The following PROP1 variants were observed in gnomAD, a reference collection of about 807,000 sequenced individuals.
PROP1 encodes PROP paired-like homeobox 1.
A neutral mutation model predicts 22.3 loss-of-function variants in PROP1; 12 were observed. The ratio of observed to expected loss-of-function variants is 0.54; its 90% CI spans 0.34 to 0.87. The LOEUF (loss-of-function observed/expected upper bound fraction) is 0.87, where lower values mean the gene tolerates loss of function less well. PROP1 is among the 40% of genes least tolerant of loss of function. The pLI is 0.01. For synonymous variants in PROP1, 112 were observed against 116.7 expected, an observed-to-expected ratio of 0.96 and a Z score of 0.26; for missense variants, 278 against 295.1, an observed-to-expected ratio of 0.94 and a Z score of 0.43.
intron 1 of PROP1, among the ~76,000 whole-genome samples, chr5:177,995,413 CA>C (rs1358741825): frequency 6.6e-6 from 1 of 152,060 alleles, no homozygotes; most frequent in Non-Finnish European, 1.5e-5. Context: ...CCATGGGGCC[CA>C]AGGGCGTGGA....
chr5:177,994,469 G>A, intron 1 of PROP1, 131 bp from the exon 2 acceptor site: 4 of 768,010 alleles, frequency 5.2e-6, no homozygotes, highest in Admixed American at 2.9e-5. Context: ...ACAGAGTCTT[G>A]CTCTGTCTCC....
intron 2 of PROP1, 82 bp from the exon 3 acceptor site, chr5:177,993,129 A>G: frequency 8.1e-7 from 1 of 1,237,402 alleles, no homozygotes; most frequent in East Asian, 2.5e-5. Flanking sequence ...AGGTGCAGGG[A>G]CAGGGAGCAG....
chr5:177,993,685 C>T (rs547836829), intron 2 of PROP1, among the ~76,000 whole-genome samples: 2 of 152,152 alleles, frequency 1.3e-5, no homozygotes, highest in South Asian at 2.1e-4. Context: ...CCTCAGCCTC[C>T]GGAGTAGCTG....
At position 177,992,538 on chromosome 5, in the gene PROP1, A is replaced by T. The variant is rs2113058209; in HGVS notation, c.*171T>A. 1 of 606,970 alleles carries T rather than the reference A, an allele frequency of 1.6e-6. No homozygotes were observed. The highest frequency in any genetic ancestry group is 2.9e-6 in the Non-Finnish European group (1 of 345,976). 37.6% of individuals were successfully genotyped at this position (606,970 alleles called of 1,614,324 possible). ...CTCACCTCCCCAGACTTCCTCCACT[A>T]ATCACCCCAGTGAGAATTCACCATG... On this transcript the variant is annotated 3_prime_UTR_variant, in exon 3 of 3. Coordinates refer to ENST00000308304, the MANE Select transcript of PROP1 (RefSeq NM_006261.5).
At chr5:177,993,579 G>C (rs367832457) in intron 2 of PROP1, among the ~76,000 whole-genome samples, 1 of 115,722 alleles carries the variant, frequency 8.6e-6, no homozygotes, top group Non-Finnish European at 1.9e-5. Context: ...TTTTTTTTTT[G>C]AGACAAAGTT....
In PROP1 at chr5:177,995,488, ACCCAAAGCCCTGGC is replaced by A. The variant is rs1457575353; in HGVS notation, c.109+323_109+336del. Reference sequence around the variant, plus strand: ...CACGGAGCCCGCCCTCCCGCCCTGGACCCAAAGCCCTGGCCCCTCCAGCTCCCTTCATCAGAGAA... The same window carrying A: ...CACGGAGCCCGCCCTCCCGCCCTGGACCCTCCAGCTCCCTTCATCAGAGAA... On this transcript the variant is annotated intron_variant, in intron 1 of 2. Coordinates refer to ENST00000308304, the MANE Select transcript of PROP1 (RefSeq NM_006261.5). Among the ~76,000 whole-genome samples the A allele has an allele frequency of 1.3e-4, 14 of 105,188 alleles. No homozygotes were observed. In the South Asian group the frequency reaches 4.7e-3, roughly 36 times the overall value. The allele number at this position is 105,188 out of a possible 152,430, so 69.0% of individuals were successfully genotyped here.
chr5:177,994,381 C>A, intron 1 of PROP1, 43 bp from the exon 2 acceptor site: 3 of 1,509,024 alleles, frequency 2.0e-6, no homozygotes, highest in Non-Finnish European at 2.7e-6. Context: ...GAGGAGGACG[C>A]TCCTCGGTGC....
At position 177,994,165 on chromosome 5, in the gene PROP1, CGGGGTACT is replaced by C. The variant is rs1755696564; in HGVS notation, c.275_282del (p.Gln92ArgfsTer16). On this transcript the variant is annotated frameshift_variant, in exon 2 of 3. Transcript: ENST00000308304. LOFTEE classifies it high-confidence loss of function. The stretch of plus-strand genomic sequence containing the variant: ...GCAAGACTCTCTCGGGCCCAGATGT[CGGGGTACT>C]GGTTCCTCCCAAAGGCTGACTCCAG... 1 of 1,614,040 alleles carries C rather than the reference CGGGGTACT, an allele frequency of 6.2e-7. No individual in the cohort carries two copies.
chr5:177,994,008 G>T, intron 2 of PROP1, 98 bp downstream of exon 2: 1 of 1,301,914 alleles, frequency 7.7e-7, no homozygotes, highest in Non-Finnish European at 1.1e-6. Context: ...CCTGTGTCTG[G>T]TGACCATTTA....
At chr5:177,994,370 T>A in intron 1 of PROP1, 32 bp from the exon 2 acceptor site, 1 of 1,539,246 alleles carries the variant, frequency 6.5e-7, no homozygotes. Flanking sequence ...GGGCGGCTTC[T>A]GAGGAGGACG....
Position 177,994,729 on chromosome 5 carries a change from C to T in PROP1, c.110-391G>A, listed in dbSNP as rs908047229. Among the ~76,000 whole-genome samples, 7 of 152,104 alleles carry T rather than the reference C, an allele frequency of 4.6e-5. No homozygotes were observed. The South Asian group carries it at 8.3e-4, about 18-fold the overall frequency. On this transcript the variant is annotated intron_variant, in intron 1 of 2. Transcript: ENST00000308304. ...TGCTGGGATTATAGGCCTGAGCCAC[C>T]GCACCCAGCCCTGCCCCACCGGGAA...
At position 177,993,017 on chromosome 5, in the gene PROP1, G is replaced by A. The variant is rs146918863; in HGVS notation, c.373C>T (p.Arg125Trp). 22 of 1,613,758 alleles carry A rather than the reference G, an allele frequency of 1.4e-5. No homozygotes were observed. Among genetic ancestry groups the A allele is most frequent in the Admixed American group, 5.0e-5 (3 of 59,962 alleles). Residue 125 changes from arginine (R) to tryptophan (W), a missense_variant, in exon 3 of 3, where the codon CGG becomes TGG. Coordinates refer to ENST00000308304, the MANE Select transcript of PROP1 (RefSeq NM_006261.5). Reference protein sequence around the residue: ...VWFQNRRAKQRKQERSLLQPL... With the variant: ...VWFQNRRAKQWKQERSLLQPL... The stretch of plus-strand genomic sequence containing the variant: ...TGAAGCAGTGAGCGCTCTTGCTTCC[G>A]TTGCTTAGCTCTGCGGTTCTGGAAC...
In PROP1 at chr5:177,992,573, T is replaced by G; in HGVS notation, c.*136A>C. On this transcript the variant is annotated 3_prime_UTR_variant, in exon 3 of 3. Transcript: ENST00000308304. ...GTGAGAATTCACCATGATCTCCCAT[T>G]TTTAAATTTCTAATCGCTGAGCTGA... is the stretch of plus-strand genomic sequence containing the variant. 1.5e-6 allele frequency: 1 copy of G among 650,930 alleles called. No individual in the cohort carries two copies. The highest frequency in any genetic ancestry group is 2.6e-6 in the Non-Finnish European group (1 of 381,586). 40.3% of individuals were successfully genotyped at this position (650,930 alleles called of 1,614,324 possible). A position where few individuals can be genotyped will look rare whatever the true frequency, so the allele number is the denominator to read the frequency against.
chr5:177,995,335 C>T lies in PROP1; in HGVS notation c.109+490G>A, dbSNP rs186263575. Among the ~76,000 whole-genome samples the T allele has an allele frequency of 2.2e-4, 33 of 152,128 alleles. 1 individual carries two copies. The East Asian group carries it at 5.2e-3, about 24-fold the overall frequency. Reference sequence around the variant, plus strand: ...CTGAGAGCTGTTGGGGAGGAGAGAACGGGGAGGGAAAGGACACACCTGGAA... The same window carrying T: ...CTGAGAGCTGTTGGGGAGGAGAGAATGGGGAGGGAAAGGACACACCTGGAA... On this transcript the variant is annotated intron_variant, in intron 1 of 2. Transcript: ENST00000308304.
chr5:177,994,053 C>T, intron 2 of PROP1, 53 bp downstream of exon 2: 1 of 1,582,434 alleles, frequency 6.3e-7, no homozygotes, highest in Non-Finnish European at 8.7e-7. Context: ...TCTATGATAG[C>T]ACCAAAGAAA....
rs146547260 is a variant in PROP1 at position 177,992,833 on chromosome 5, G to A, written c.557C>T (p.Ala186Val). 1.1e-4 allele frequency: 174 copies of A among 1,611,186 alleles called. 2 individuals are homozygous for A. Among genetic ancestry groups the A allele is most frequent in the Middle Eastern group, 3.5e-4 (2 of 5,762 alleles). ...CCAGTCCTCAGACTGGTGTGACAAA[G>A]CAAAGGCGCCTCCTGTGGAGGGCTG... is the stretch of plus-strand genomic sequence containing the variant. ...PSQPSTGGAFALSHQSEDWYP... is the reference protein window; with the variant it reads ...PSQPSTGGAFVLSHQSEDWYP... Residue 186 changes from alanine (A) to valine (V), a missense_variant, in exon 3 of 3, where the codon GCT becomes GTT. By Grantham distance (64) the Ala-to-Val change is moderately conservative. Transcript: ENST00000308304.
chr5:177,994,785 C>G (rs1389918813), intron 1 of PROP1, among the ~76,000 whole-genome samples: 1 of 148,152 alleles, frequency 6.7e-6, no homozygotes, highest in African/African-American at 2.7e-5. Context: ...GGTTCCTGCA[C>G]CCTGCTCAGC....
In PROP1 at chr5:177,996,055, G is replaced by A. The variant is rs1562025348; in HGVS notation, c.-122C>T. 1.2e-6 allele frequency: 1 copy of A among 806,694 alleles called. No homozygotes were observed. Among genetic ancestry groups the A allele is most frequent in the Non-Finnish European group, 2.1e-6 (1 of 475,808 alleles). The allele number at this position is 806,694 out of a possible 1,614,324, so 50.0% of individuals were successfully genotyped here. A position where few individuals can be genotyped will look rare whatever the true frequency, so the allele number is the denominator to read the frequency against. ...TGTGTATGCCACCCTCTGGGACTCT[G>A]TCTCTGAATGTGTGTGTAGGTGCAG... On this transcript the variant is annotated 5_prime_UTR_variant, in exon 1 of 3. Transcript: ENST00000308304.
intron 2 of PROP1, 113 bp downstream of exon 2, chr5:177,993,993 T>G: frequency 3.1e-5 from 34 of 1,098,074 alleles, no homozygotes; most frequent in Non-Finnish European, 4.5e-5. Flanking sequence ...GGTGGTGAGA[T>G]GAGGCCTGTG....
Sources: allele counts gnomAD v4.1 joint callset (sites outside exome capture counted in the v4.1 genomes callset), GRCh38; gene constraint gnomAD v4.1.1; transcripts MANE v1.5; gene names NCBI Gene and HGNC (gene_info 2026-07-23, HGNC 2026-07-21).